Variants in RIGI observed in about 807,000 individuals in gnomAD.
The protein encoded by RIGI is RNA sensor RIG-I, also known as antiviral innate immune response receptor RIG-I.
chr9:32,521,158 A>AAAAAAAAAAAAAAAAAAAC, the RIGI span, among the ~76,000 whole-genome samples: 1 of 150,782 alleles, frequency 6.6e-6, no homozygotes, highest in African/African-American at 2.4e-5. Context: ...AAAAAAAAAA[A>AAAAAAAAAAAAAAAAAAAC]AAAACTTCAC....
At chr9:32,476,145 C>G in the RIGI span, among the ~76,000 whole-genome samples, 1 of 151,918 alleles carries the variant, frequency 6.6e-6, no homozygotes, top group Non-Finnish European at 1.5e-5. Context: ...CACAAAATGA[C>G]TAAAATTTAA....
At chr9:32,519,374 G>A in the RIGI span, among the ~76,000 whole-genome samples, 1 of 152,050 alleles carries the variant, frequency 6.6e-6, no homozygotes. Flanking sequence ...AAGTTCCTAA[G>A]CTACCTTTTT....
chr9:32,455,432 G>A, the RIGI span, among the ~76,000 whole-genome samples: 1 of 152,112 alleles, frequency 6.6e-6, no homozygotes, highest in Non-Finnish European at 1.5e-5. Flanking sequence ...GAGAGAGTGT[G>A]TGTAAAGGAG....
At chr9:32,477,491 G>C in the RIGI span, among the ~76,000 whole-genome samples, 1 of 152,106 alleles carries the variant, frequency 6.6e-6, no homozygotes, top group Admixed American at 6.5e-5. Flanking sequence ...AAAGATCATG[G>C]GCTATGCATC....
At chr9:32,466,707 AAAAAAAAAAAG>A in the RIGI span, among the ~76,000 whole-genome samples, 1 of 150,528 alleles carries the variant, frequency 6.6e-6, no homozygotes, top group Non-Finnish European at 1.5e-5. Flanking sequence ...AAAAAAAAAA[AAAAAAAAAAAG>A]ACTCAAATGC....
At chr9:32,507,987 A>G in the RIGI span, among the ~76,000 whole-genome samples, 1 of 151,978 alleles carries the variant, frequency 6.6e-6, no homozygotes, top group Non-Finnish European at 1.5e-5. Flanking sequence ...TCCCTTTCCT[A>G]TATTTTCTGG....
the RIGI span, among the ~76,000 whole-genome samples, chr9:32,468,746 G>T: frequency 6.6e-6 from 1 of 152,036 alleles, no homozygotes; most frequent in African/African-American, 2.4e-5. Context: ...GCAGTGTTGG[G>T]CCTTGAACTT....
At chr9:32,497,575 GTC>G in the RIGI span, among the ~76,000 whole-genome samples, 1 of 152,088 alleles carries the variant, frequency 6.6e-6, no homozygotes, top group Non-Finnish European at 1.5e-5. Flanking sequence ...GTGAAACCCC[GTC>G]TCTACTAAAA....
At chr9:32,487,375 G>A in the RIGI span, 15 of 1,207,718 alleles carry the variant, frequency 1.2e-5, no homozygotes, top group Admixed American at 1.5e-4. Context: ...ACTAAACAGA[G>A]AGAGGGTCAA....
At chr9:32,491,286 A>G in the RIGI span, 1 of 1,612,660 alleles carries the variant, frequency 6.2e-7, no homozygotes, top group Non-Finnish European at 8.5e-7. Flanking sequence ...GAAAAGGACA[A>G]ACAATACCAG....
chr9:32,473,171 TAC>T, the RIGI span: 81 of 663,956 alleles, frequency 1.2e-4, no homozygotes, highest in African/African-American at 1.4e-3. Flanking sequence ...TTAGTACACG[TAC>T]AGTTTTCAGA....
the RIGI span, among the ~76,000 whole-genome samples, chr9:32,462,847 G>A: frequency 1.3e-5 from 2 of 152,136 alleles, no homozygotes; most frequent in African/African-American, 4.8e-5. Flanking sequence ...GACCTAGAAT[G>A]TTTTGATTTA....
At chr9:32,476,078 C>T in the RIGI span, among the ~76,000 whole-genome samples, 3 of 151,980 alleles carry the variant, frequency 2.0e-5, no homozygotes, top group Admixed American at 6.6e-5. Context: ...GATGTTCAGC[C>T]ATATTACTCA....
chr9:32,522,228 G>C, the RIGI span, among the ~76,000 whole-genome samples: 1 of 152,142 alleles, frequency 6.6e-6, no homozygotes, highest in African/African-American at 2.4e-5. Context: ...TTGTTTTTTG[G>C]AATCTGGAGA....
At chr9:32,464,425 T>C in the RIGI span, among the ~76,000 whole-genome samples, 2 of 152,306 alleles carry the variant, frequency 1.3e-5, no homozygotes, top group South Asian at 4.1e-4. Flanking sequence ...AGTCTTACTC[T>C]GTTGCCCAGG....
At chr9:32,495,869 C>A in the RIGI span, among the ~76,000 whole-genome samples, 1 of 152,110 alleles carries the variant, frequency 6.6e-6, no homozygotes, top group African/African-American at 2.4e-5. Flanking sequence ...GTTGGCCAGG[C>A]TGGTCTTGAA....
At chr9:32,478,285 C>T in the RIGI span, among the ~76,000 whole-genome samples, 18 of 152,214 alleles carry the variant, frequency 1.2e-4, 1 homozygote, top group East Asian at 3.5e-3. Context: ...CCTCAGGTGG[C>T]CCACCCATCT....
the RIGI span, among the ~76,000 whole-genome samples, chr9:32,476,051 C>T: frequency 6.6e-6 from 1 of 152,004 alleles, no homozygotes; most frequent in Middle Eastern, 3.4e-3. Flanking sequence ...TTACAGATCG[C>T]TAACAAGCAG....
chr9:32,487,613 C>G, the RIGI span: 7 of 1,614,092 alleles, frequency 4.3e-6, no homozygotes, highest in South Asian at 4.4e-5. Context: ...CAACACCAAC[C>G]GAGGCAGTCA....
Sources: gnomAD v4.1 joint callset for allele counts (sites outside exome capture counted in the v4.1 genomes callset) on GRCh38, gnomAD v4.1.1 for gene constraint, MANE v1.5 for transcripts, NCBI Gene and HGNC (gene_info 2026-07-23, HGNC 2026-07-21) for gene names.